Variants in TANC2 observed in about 807,000 individuals in gnomAD.
TANC2 encodes the protein tetratricopeptide repeat, ankyrin repeat and coiled-coil containing 2.
A neutral mutation model predicts 210.5 loss-of-function variants in TANC2; 26 were observed. The observed-to-expected ratio is 0.12, with a 90% CI of 0.09 to 0.17. The LOEUF (loss-of-function observed/expected upper bound fraction) is 0.17. Among genes scored for constraint, TANC2 ranks in the 10% least tolerant of loss-of-function variants. The pLI is 1.00. For synonymous variants in TANC2, 931 were observed against 967.1 expected (o/e 0.96, Z 0.69); for missense variants, 2,129 against 2,608.9 (o/e 0.82, Z 4.01).
chr17:63,295,675 A>G (rs1392485709), intron 9 of TANC2, among the ~76,000 whole-genome samples: 6 of 152,226 alleles, frequency 3.9e-5, no homozygotes, highest in Admixed American at 3.9e-4. Flanking sequence ...CGTCAGTGGG[A>G]TAACTCATGC....
At chr17:63,372,761 T>C (rs1280545001) in intron 14 of TANC2, among the ~76,000 whole-genome samples, 1 of 152,140 alleles carries the variant, frequency 6.6e-6, no homozygotes, top group Non-Finnish European at 1.5e-5. Flanking sequence ...AGGAAATTTG[T>C]AAAGTAACTT....
chr17:63,003,341 A>G (rs1489122545), intron 1 of TANC2, among the ~76,000 whole-genome samples: 1 of 152,178 alleles, frequency 6.6e-6, no homozygotes, highest in Non-Finnish European at 1.5e-5. Flanking sequence ...TTCTTTATAT[A>G]CAGTAGTCCC....
chr17:62,991,004 T>C (rs1054737805), intron 1 of TANC2, among the ~76,000 whole-genome samples: 12 of 152,140 alleles, frequency 7.9e-5, no homozygotes, highest in African/African-American at 2.4e-4. Flanking sequence ...CAAGCATAGA[T>C]TTCTGACATA....
intron 2 of TANC2, among the ~76,000 whole-genome samples, chr17:63,052,346 C>T (rs999178639): frequency 1.3e-5 from 2 of 152,128 alleles, no homozygotes; most frequent in Non-Finnish European, 2.9e-5. Flanking sequence ...GAGTCCAGCT[C>T]AACTCTGCTA....
intron 2 of TANC2, among the ~76,000 whole-genome samples, chr17:63,009,950 C>T (rs977093960): frequency 2.6e-5 from 4 of 152,178 alleles, no homozygotes; most frequent in African/African-American, 9.6e-5. Flanking sequence ...TTATTGCAAT[C>T]CTAGGCACTC....
At chr17:62,986,726 G>C (rs1401143190) in intron 1 of TANC2, among the ~76,000 whole-genome samples, 2 of 152,184 alleles carry the variant, frequency 1.3e-5, no homozygotes, top group Non-Finnish European at 2.9e-5. Flanking sequence ...GTGAACAGCT[G>C]CTCAGTGGAA....
intron 3 of TANC2, among the ~76,000 whole-genome samples, chr17:63,097,875 C>T (rs936126897): frequency 2.6e-5 from 4 of 152,082 alleles, no homozygotes; most frequent in African/African-American, 4.8e-5. Context: ...TTCTTTGACT[C>T]TCCATTCATC....
rs77116087 is a variant in TANC2 at position 63,128,940 on chromosome 17, A to C, written c.323-22330A>C. The stretch of plus-strand genomic sequence containing the variant: ...TCAAACTAGAGAGCTATGTGTAAAG[A>C]ATCTTATGTTCTTCTTGGTTCAGTT... On this transcript the variant is annotated intron_variant, in intron 4 of 27. Coordinates refer to ENST00000689528, the Ensembl canonical transcript of TANC2. Among the ~76,000 whole-genome samples the C allele has an allele frequency of 3.2e-3, 493 of 152,274 alleles. 1 individual carries two copies. The highest frequency in any genetic ancestry group is 4.2e-3 in the Non-Finnish European group (285 of 68,024).
chr17:63,149,043 G>A (rs2039557314), intron 4 of TANC2: 1 of 152,078 alleles, frequency 6.6e-6, no homozygotes, highest in South Asian at 2.1e-4. Context: ...GAGGTGAAGA[G>A]TAGATAGAAG....
chr17:63,248,953 G>A (rs1203891677), intron 8 of TANC2, among the ~76,000 whole-genome samples: 2 of 152,036 alleles, frequency 1.3e-5, no homozygotes, highest in South Asian at 2.1e-4. Context: ...TTAAAATCGT[G>A]TATTTTATTT....
chr17:63,331,377 T>C (rs1025305118), intron 11 of TANC2, among the ~76,000 whole-genome samples: 1 of 152,244 alleles, frequency 6.6e-6, no homozygotes, highest in African/African-American at 2.4e-5. Flanking sequence ...AGGCTTTTAG[T>C]GTACTTTACC....
chr17:63,061,384 AAAAAC>A (rs1396023749), intron 2 of TANC2, among the ~76,000 whole-genome samples: 1 of 152,142 alleles, frequency 6.6e-6, no homozygotes, highest in Non-Finnish European at 1.5e-5. Context: ...CAAAAAAACA[AAAAAC>A]AAACAAAAAG....
chr17:62,989,617 A>C (rs1174458220), intron 1 of TANC2, among the ~76,000 whole-genome samples: 2 of 152,146 alleles, frequency 1.3e-5, no homozygotes, highest in African/African-American at 4.8e-5. Flanking sequence ...ATTCTTCTTC[A>C]TTAGCCCTTT....
chr17:63,222,082 T>C (rs1371067316), intron 7 of TANC2, among the ~76,000 whole-genome samples: 1 of 152,230 alleles, frequency 6.6e-6, no homozygotes, highest in East Asian at 1.9e-4. Flanking sequence ...TGGGAAGTCC[T>C]GGATCAAGGC....
intron 9 of TANC2, among the ~76,000 whole-genome samples, chr17:63,312,913 C>T (rs1490160758): frequency 6.6e-6 from 1 of 152,082 alleles, no homozygotes; most frequent in Non-Finnish European, 1.5e-5. Flanking sequence ...AAATTATTTG[C>T]ACTACTTTTG....
chr17:62,975,265 A>G (rs1313443596), intron 1 of TANC2, among the ~76,000 whole-genome samples: 2 of 152,112 alleles, frequency 1.3e-5, no homozygotes, highest in African/African-American at 4.8e-5. Flanking sequence ...GAATCCCACA[A>G]TTTCTAGTTG....
At position 63,413,578 on chromosome 17, in the gene TANC2, G is replaced by A. The variant is rs761043580; in HGVS notation, c.3964G>A (p.Asp1322Asn). Residue 1322 changes from aspartate to asparagine, a missense_variant, in exon 25 of 28, where the codon GAC becomes AAC. Transcript: ENST00000689528. The stretch of plus-strand genomic sequence containing the variant: ...ATGGGCGATGGCCACCTCCAAGCCA[G>A]ACATCATGATCATCCTGTTGAGCAA... 16 of 1,602,044 alleles carry A rather than the reference G, an allele frequency of 1.0e-5. 1 individual carries two copies. In the South Asian group the frequency reaches 1.8e-4, roughly 18 times the overall value.
chr17:63,348,961 G>A (rs1467612612), intron 12 of TANC2, among the ~76,000 whole-genome samples: 5 of 152,184 alleles, frequency 3.3e-5, no homozygotes, highest in Non-Finnish European at 7.4e-5. Context: ...TACAGCATTA[G>A]TAGCATTAGG....
At chr17:63,352,864 A>G (rs1285920686) in intron 13 of TANC2, among the ~76,000 whole-genome samples, 2 of 152,166 alleles carry the variant, frequency 1.3e-5, no homozygotes, top group Non-Finnish European at 2.9e-5. Flanking sequence ...AAAATGAACA[A>G]GACAGGCAAT....
Sources: allele counts gnomAD v4.1 joint callset (sites outside exome capture counted in the v4.1 genomes callset), GRCh38; gene constraint gnomAD v4.1.1; transcripts MANE v1.5; gene names NCBI Gene and HGNC (gene_info 2026-07-23, HGNC 2026-07-21).